Variants in ITPR1 observed in about 807,000 individuals in gnomAD.
ITPR1 encodes the protein inositol 1,4,5-trisphosphate-gated calcium channel ITPR1.
In ITPR1, 96 loss-of-function variants were observed where a neutral mutation model predicts 318.4. That is an observed-to-expected ratio of 0.30 (90% CI 0.26 to 0.36). The LOEUF (loss-of-function observed/expected upper bound fraction) is 0.36, where lower values mean the gene tolerates loss of function less well. Among genes scored for constraint, ITPR1 ranks in the 10% least tolerant of loss-of-function variants. ITPR1 has a pLI of 1.00. For synonymous variants in ITPR1, 1,312 were observed against 1,289.9 expected (o/e 1.02, Z -0.37); for missense variants, 2,440 against 3,460.2 (o/e 0.71, Z 7.40).
chr3:4,605,756 T>A (rs542666069), intron 4 of ITPR1, among the ~76,000 whole-genome samples: 2 of 152,278 alleles, frequency 1.3e-5, no homozygotes, highest in East Asian at 3.9e-4. Flanking sequence ...AAAATGACCA[T>A]GAGTGCCCAG....
At chr3:4,584,626 G>A (rs979897083) in intron 4 of ITPR1, among the ~76,000 whole-genome samples, 3 of 151,764 alleles carry the variant, frequency 2.0e-5, no homozygotes, top group Admixed American at 6.6e-5. Context: ...CGAAGGAAAC[G>A]TTTTTCCCTC....
chr3:4,835,359 G>C (rs2106541016), intron 60 of ITPR1, among the ~76,000 whole-genome samples: 1 of 152,278 alleles, frequency 6.6e-6, no homozygotes, highest in Non-Finnish European at 1.5e-5. Context: ...AGCAAACCCA[G>C]CCTGCTGCCC....
At chr3:4,667,072 G>C (rs1393174252) in intron 17 of ITPR1, among the ~76,000 whole-genome samples, 1 of 152,242 alleles carries the variant, frequency 6.6e-6, no homozygotes, top group East Asian at 1.9e-4. Flanking sequence ...ACCAGCTTTG[G>C]ACCTTTTTGA....
intron 61 of ITPR1, among the ~76,000 whole-genome samples, chr3:4,845,904 G>A (rs142659073): frequency 6.6e-6 from 1 of 152,212 alleles, no homozygotes. Flanking sequence ...TATGAAACAA[G>A]TGGCAAGCAA....
intron 4 of ITPR1, among the ~76,000 whole-genome samples, chr3:4,532,903 A>G (rs1199176338): frequency 6.6e-6 from 1 of 152,246 alleles, no homozygotes; most frequent in Admixed American, 6.5e-5. Context: ...GCCTGCTTCA[A>G]ATTACTGAGT....
chr3:4,634,986 G>T (rs1215136144), intron 5 of ITPR1, among the ~76,000 whole-genome samples: 1 of 152,202 alleles, frequency 6.6e-6, no homozygotes, highest in Non-Finnish European at 1.5e-5. Context: ...CAGGTGATCT[G>T]CCCGCCTCAG....
intron 42 of ITPR1, among the ~76,000 whole-genome samples, chr3:4,732,497 T>C (rs1178217035): frequency 1.3e-5 from 2 of 151,102 alleles, no homozygotes; most frequent in Non-Finnish European, 3.0e-5. Context: ...TTTTTTTTTA[T>C]ATATTTGATA....
In ITPR1 at chr3:4,768,513, A is replaced by G. The variant is rs982104695; in HGVS notation, c.5728A>G (p.Lys1910Glu). The G allele has an allele frequency of 1.9e-6, 3 of 1,602,462 alleles. No homozygotes were observed. Among genetic ancestry groups the G allele is most frequent in the Non-Finnish European group, 2.6e-6 (3 of 1,171,706 alleles). ...DRDAPSRKKA[K>E]EPTTQITEEV... ...CATGCCTTATGCTTGCTTTCTAGCT[A>G]AAGAGCCCACAACACAGATAACAGA... Residue 1910 changes from lysine to glutamate, a missense_variant and splice_region_variant, in exon 46 of 62, where the codon AAA becomes GAA. Around this residue, in one of 23 missense-constraint regions of ITPR1, gnomAD observed 113 missense variants for 103.6 expected, o/e 1.09. Transcript: ENST00000649015.
At chr3:4,794,533 G>A (rs1015188061) in intron 52 of ITPR1, among the ~76,000 whole-genome samples, 3 of 152,198 alleles carry the variant, frequency 2.0e-5, no homozygotes, top group East Asian at 1.9e-4. Context: ...AGGCACTGGC[G>A]TGTTAGTGGA....
intron 44 of ITPR1, among the ~76,000 whole-genome samples, chr3:4,741,449 G>C (rs1260337410): frequency 6.6e-6 from 1 of 152,136 alleles, no homozygotes; most frequent in African/African-American, 2.4e-5. Context: ...TAAGCAGCTA[G>C]AGATGGAAAA....
chr3:4,691,167 G>A lies in ITPR1; in HGVS notation c.3852G>A (p.Gln1284=), dbSNP rs981710399. 5.6e-6 allele frequency: 9 copies of A among 1,611,604 alleles called. 1 individual carries two copies. Among genetic ancestry groups the A allele is most frequent in the Non-Finnish European group, 6.8e-6 (8 of 1,178,474 alleles). Residue 1284 remains glutamine (Q), a synonymous_variant, in exon 32 of 62, where the codon CAG becomes CAA. Coordinates refer to ENST00000649015, the MANE Select transcript of ITPR1 (RefSeq NM_001378452.1). ...NPGILEAVTM[Q]HIFMNNFQLC... ...AGATCCTGGAGGCAGTAACCATGCA[G>A]CACATCTTCATGAACAATTTCCAGC...
At chr3:4,551,711 T>G (rs903323339) in intron 4 of ITPR1, among the ~76,000 whole-genome samples, 2 of 152,246 alleles carry the variant, frequency 1.3e-5, no homozygotes, top group South Asian at 2.1e-4. Flanking sequence ...TAATACTCCA[T>G]GTATATAGTA....
intron 44 of ITPR1, among the ~76,000 whole-genome samples, chr3:4,748,573 G>A (rs1013306219): frequency 6.6e-6 from 1 of 152,086 alleles, no homozygotes; most frequent in Non-Finnish European, 1.5e-5. Flanking sequence ...CTCAGTTATC[G>A]TTTCTGTAGG....
intron 40 of ITPR1, among the ~76,000 whole-genome samples, chr3:4,720,234 G>A (rs2042052574): frequency 6.6e-6 from 1 of 152,182 alleles, no homozygotes; most frequent in African/African-American, 2.4e-5. Context: ...GGGGGCAAAG[G>A]GACAATAATA....
intron 10 of ITPR1, among the ~76,000 whole-genome samples, chr3:4,651,476 C>T (rs913307630): frequency 2.6e-5 from 4 of 152,188 alleles, no homozygotes; most frequent in African/African-American, 9.6e-5. Flanking sequence ...AATAGCCAAG[C>T]TGGCCTTGTT....
At position 4,493,437 on chromosome 3, in the gene ITPR1, G is replaced by A. The variant is rs189889792; in HGVS notation, c.-261G>A. 1 of 154,772 alleles carries A rather than the reference G, an allele frequency of 6.5e-6. No homozygotes were observed. The highest frequency in any genetic ancestry group is 2.4e-5 in the African/African-American group (1 of 41,568). The allele number at this position is 154,772 out of a possible 1,614,324, so 9.6% of individuals were successfully genotyped here. On this transcript the variant is annotated 5_prime_UTR_variant, in exon 1 of 62. Coordinates refer to ENST00000649015, the MANE Select transcript of ITPR1 (RefSeq NM_001378452.1). ...GGAGGAGGAGGTGGTGGTGGAGGAG[G>A]AGGCAGGGGGTGGAGAGAGAGAAAG... is the stretch of plus-strand genomic sequence containing the variant.
chr3:4,726,611 T>C (rs1245058356), intron 41 of ITPR1, among the ~76,000 whole-genome samples: 1 of 152,198 alleles, frequency 6.6e-6, no homozygotes, highest in African/African-American at 2.4e-5. Flanking sequence ...TGATCAGTGT[T>C]TAATATCCTA....
intron 10 of ITPR1, 44 bp from the exon 11 acceptor site, chr3:4,652,079 G>C (rs778918958): frequency 1.7e-5 from 24 of 1,374,166 alleles, no homozygotes; most frequent in Non-Finnish European, 2.3e-5. Context: ...TGTCTTCCTA[G>C]TGTAGGTTGA....
intron 42 of ITPR1, among the ~76,000 whole-genome samples, chr3:4,729,323 C>T (rs1271369366): frequency 6.6e-6 from 1 of 152,132 alleles, no homozygotes; most frequent in Non-Finnish European, 1.5e-5. Context: ...AACACAGTGG[C>T]TGGAATGTGA....
Sources: allele counts gnomAD v4.1 joint callset (sites outside exome capture counted in the v4.1 genomes callset), GRCh38; gene constraint gnomAD v4.1.1; regional missense constraint gnomAD v4.1.1; transcripts MANE v1.5; gene names NCBI Gene and HGNC (gene_info 2026-07-23, HGNC 2026-07-21).